The following MID1 variants were observed in gnomAD, a reference collection of about 807,000 sequenced individuals.
The protein encoded by MID1 is E3 ubiquitin-protein ligase Midline-1.
A neutral mutation model predicts 40.4 loss-of-function variants in MID1; 7 were observed. The ratio of observed to expected loss-of-function variants is 0.17; its 90% confidence interval spans 0.10 to 0.33. The LOEUF (loss-of-function observed/expected upper bound fraction) is 0.33. MID1 is among the 10% of genes least tolerant of loss of function. MID1 has a pLI of 1.00. For synonymous variants in MID1, 229 were observed against 221.2 expected, an observed-to-expected ratio of 1.04 and a Z score of -0.31; for missense variants, 367 against 558.5, an observed-to-expected ratio of 0.66 and a Z score of 3.46.
intron 1 of MID1, among the ~76,000 whole-genome samples, chrX:10,750,243 T>C (rs1351032238): frequency 9.0e-6 from 1 of 111,426 alleles, no homozygotes; most frequent in Non-Finnish European, 1.9e-5. Context: ...CTCTAATCTC[T>C]AATGTGAGCT....
At chrX:10,824,145 A>G (rs911641419) in intron 1 of MID1, among the ~76,000 whole-genome samples, 1 of 111,965 alleles carries the variant, frequency 8.9e-6, no homozygotes, top group African/African-American at 3.2e-5. Flanking sequence ...TAACTAATTT[A>G]TGACTTACAG....
intron 1 of MID1, among the ~76,000 whole-genome samples, chrX:10,705,952 T>C (rs186912559): frequency 5.3e-5 from 6 of 112,189 alleles, no homozygotes; most frequent in African/African-American, 1.3e-4. Flanking sequence ...ATGACTTTCA[T>C]CCTCATGGAA....
chrX:10,691,027 C>G (rs767148467), intron 1 of MID1, among the ~76,000 whole-genome samples: 6 of 111,486 alleles, frequency 5.4e-5, no homozygotes, highest in Non-Finnish European at 9.4e-5. Context: ...GGCCCAGGAT[C>G]CTCAGGAGTG....
chrX:10,488,085 G>A (rs927932974), intron 4 of MID1, among the ~76,000 whole-genome samples: 4 of 106,869 alleles, frequency 3.7e-5, no homozygotes, highest in Non-Finnish European at 5.8e-5. Flanking sequence ...GGGCTCAAGC[G>A]ATTCTCCAGC....
At chrX:10,684,534 G>A (rs2043081371) in intron 1 of MID1, among the ~76,000 whole-genome samples, 1 of 108,201 alleles carries the variant, frequency 9.2e-6, no homozygotes, top group Non-Finnish European at 1.9e-5. Context: ...CTCCTGAGCA[G>A]CTGGGACTAC....
At position 10,533,327 on chromosome X, in the gene MID1, G is replaced by GGAAAGAAAGAAAGAAA. The variant is rs35811442; in HGVS notation, c.661-10156_661-10141dup. 1.0e-3 allele frequency among the ~76,000 whole-genome samples: 48 copies of GGAAAGAAAGAAAGAAA among 47,805 alleles called. 1 individual carries two copies. The highest frequency in any genetic ancestry group is 6.5e-3 in the East Asian group (5 of 765). 41.5% of individuals were successfully genotyped at this position (47,805 alleles called of 115,157 possible). A position where few individuals can be genotyped will look rare whatever the true frequency, so the allele number is the denominator to read the frequency against. ...ATAATCCAAGAAAGAAAGAAAGAAA[G>GGAAAGAAAGAAAGAAA]GAAAGAAAGAAAGAAAGAAAGAAAG... On this transcript the variant is annotated intron_variant, in intron 2 of 9. Coordinates refer to ENST00000317552, the MANE Select transcript of MID1 (RefSeq NM_000381.4).
At chrX:10,629,314 C>G in intron 1 of MID1, among the ~76,000 whole-genome samples, 1 of 110,648 alleles carries the variant, frequency 9.0e-6, no homozygotes, top group Non-Finnish European at 1.9e-5. Flanking sequence ...TCTCCAGCCT[C>G]AGCCACTCTA....
intron 2 of MID1, among the ~76,000 whole-genome samples, chrX:10,566,210 T>C (rs1192892049): frequency 9.0e-6 from 1 of 111,438 alleles, no homozygotes; most frequent in Admixed American, 9.5e-5. Context: ...GTTCAAATAG[T>C]CTTGACTGTA....
intron 3 of MID1, among the ~76,000 whole-genome samples, chrX:10,522,326 AG>A (rs1932751271): frequency 8.9e-6 from 1 of 112,206 alleles, no homozygotes; most frequent in African/African-American, 3.2e-5. Flanking sequence ...TGCAACTACC[AG>A]AAAATGGGAA....
chrX:10,566,651 C>G (rs1934564467), intron 2 of MID1, among the ~76,000 whole-genome samples: 1 of 109,465 alleles, frequency 9.1e-6, no homozygotes, highest in Admixed American at 9.7e-5. Flanking sequence ...GAAAATGATC[C>G]AGATTTTTAG....
intron 1 of MID1, among the ~76,000 whole-genome samples, chrX:10,647,611 G>A (rs1245926638): frequency 1.8e-5 from 2 of 111,935 alleles, no homozygotes; most frequent in Non-Finnish European, 3.8e-5. Flanking sequence ...TGCTCACAGT[G>A]CCACAAATAA....
At chrX:10,563,127 C>G (rs1214194250) in intron 2 of MID1, among the ~76,000 whole-genome samples, 1 of 111,850 alleles carries the variant, frequency 8.9e-6, no homozygotes, top group Non-Finnish European at 1.9e-5. Context: ...AATCTCATGT[C>G]TTCACTTCCA....
chrX:10,773,785 T>C (rs1018194427), intron 1 of MID1, among the ~76,000 whole-genome samples: 2 of 112,297 alleles, frequency 1.8e-5, no homozygotes, highest in Non-Finnish European at 3.8e-5. Flanking sequence ...CAAGTTGATA[T>C]AGGCCATAAG....
intron 8 of MID1, among the ~76,000 whole-genome samples, chrX:10,457,030 C>T (rs12837336): frequency 9.0e-6 from 1 of 111,421 alleles, no homozygotes; most frequent in Non-Finnish European, 1.9e-5. Flanking sequence ...AAACTATGAA[C>T]TAAGACAAGA....
intron 1 of MID1, among the ~76,000 whole-genome samples, chrX:10,634,040 A>G (rs1196677274): frequency 9.0e-6 from 1 of 111,395 alleles, no homozygotes. Context: ...AAACAGGATG[A>G]CTTAAGTCAG....
intron 1 of MID1, among the ~76,000 whole-genome samples, chrX:10,636,599 T>G (rs142077036): frequency 1.9e-5 from 2 of 107,584 alleles, no homozygotes; most frequent in African/African-American, 6.8e-5. Flanking sequence ...ACCTTACTAG[T>G]GTTCTCTTGA....
At chrX:10,717,149 T>C (rs941292321) in intron 1 of MID1, among the ~76,000 whole-genome samples, 1 of 111,024 alleles carries the variant, frequency 9.0e-6, no homozygotes, top group African/African-American at 3.3e-5. Context: ...ACGAGCAAAA[T>C]AACCAGCTAA....
At chrX:10,635,631 A>G (rs754308086) in intron 1 of MID1, among the ~76,000 whole-genome samples, 255 of 112,157 alleles carry the variant, frequency 2.3e-3, no homozygotes, top group African/African-American at 7.8e-3. Context: ...AAAAAAAAGA[A>G]TAAGTCTAGA....
chrX:10,557,372 C>T (rs1165156505), intron 2 of MID1, among the ~76,000 whole-genome samples: 1 of 112,015 alleles, frequency 8.9e-6, no homozygotes, highest in Non-Finnish European at 1.9e-5. Context: ...ATTGTGTTTA[C>T]TCCTGAAAAC....
Sources: allele counts gnomAD v4.1 joint callset (sites outside exome capture counted in the v4.1 genomes callset), GRCh38; gene constraint gnomAD v4.1.1; transcripts MANE v1.5; gene names NCBI Gene and HGNC (gene_info 2026-07-23, HGNC 2026-07-21).